Variants in HACE1 observed in about 807,000 individuals in gnomAD.
HACE1 encodes HECT domain and ankyrin repeat containing E3 ubiquitin protein ligase 1.
Under a neutral mutation model 118.4 loss-of-function variants are expected in HACE1, and 73 were observed. The ratio of observed to expected loss-of-function variants is 0.62; its 90% CI spans 0.51 to 0.75. The LOEUF (loss-of-function observed/expected upper bound fraction) is 0.75, where lower values mean the gene tolerates loss of function less well. HACE1 is among the 30% of genes least tolerant of loss of function. The pLI is 0.00. For missense variants in HACE1, 749 were observed against 1,102.2 expected (o/e 0.68, Z 4.54); for synonymous variants, 368 against 374.8 (o/e 0.98, Z 0.21).
In HACE1 at chr6:104,859,583, G is replaced by A. The variant is rs1005032279; in HGVS notation, c.60C>T (p.Thr20=). 2.0e-6 allele frequency: 3 copies of A among 1,526,912 alleles called. No individual in the cohort carries two copies. The African/African-American group carries it at 4.3e-5, about 22-fold the overall frequency. The allele number at this position is 1,526,912 out of a possible 1,614,324, so 94.6% of individuals were successfully genotyped here. The change falls in exon 1 of 24, where the codon ACC becomes ACT. Residue 20 remains threonine, a synonymous_variant. Coordinates refer to ENST00000262903, the MANE Select transcript of HACE1 (RefSeq NM_020771.4). ...RLTRSLRRAR[T]VELPEDNETA... is the part of the protein sequence containing the mutation. The stretch of plus-strand genomic sequence containing the variant: ...CCGGCTCACCCTCGGGCAACTCCAC[G>A]GTGCGCGCGCGGCGCAGCGAGCGCG...
At chr6:104,774,936 G>A (rs989765470) in intron 17 of HACE1, among the ~76,000 whole-genome samples, 2 of 152,184 alleles carry the variant, frequency 1.3e-5, no homozygotes, top group African/African-American at 4.8e-5. Flanking sequence ...ATTCCTATAT[G>A]TAATTCTCTT....
chr6:104,849,922 T>C (rs980062595), intron 3 of HACE1, among the ~76,000 whole-genome samples: 4 of 150,264 alleles, frequency 2.7e-5, no homozygotes, highest in Non-Finnish European at 4.4e-5. Context: ...AGTGCTAGGA[T>C]TACAGGCGTA....
intron 7 of HACE1, among the ~76,000 whole-genome samples, chr6:104,797,310 C>CTT (rs1192969060): frequency 6.9e-6 from 1 of 144,028 alleles, no homozygotes; most frequent in Non-Finnish European, 1.5e-5. Context: ...CAGGCTTCTG[C>CTT]TTTTTTTTTT....
intron 6 of HACE1, among the ~76,000 whole-genome samples, chr6:104,828,514 T>C (rs1302319065): frequency 6.6e-6 from 1 of 151,976 alleles, no homozygotes; most frequent in South Asian, 2.1e-4. Flanking sequence ...AGAATGGAGT[T>C]TAACAGTTGA....
chr6:104,825,403 A>G (rs1773220019), intron 6 of HACE1, among the ~76,000 whole-genome samples: 1 of 152,202 alleles, frequency 6.6e-6, no homozygotes, highest in Non-Finnish European at 1.5e-5. Flanking sequence ...ACTTCACTTC[A>G]GCCTCGGATT....
rs535330335 is a variant in HACE1, at chr6:104,777,907, G to A, written c.1567-590C>T. Among the ~76,000 whole-genome samples, 15 of 152,068 alleles carry A rather than the reference G, an allele frequency of 9.9e-5. No individual in the cohort carries two copies. The East Asian group carries it at 1.4e-3, about 14-fold the overall frequency. On this transcript the variant is annotated intron_variant, in intron 14 of 23. Coordinates refer to ENST00000262903, the MANE Select transcript of HACE1 (RefSeq NM_020771.4). ...CTCAAGTAGCTGGGATTGCAGGCAC[G>A]CACCACCACGCCTGGCTAATTTTTG...
At chr6:104,736,660 C>T (rs1355897369) in intron 22 of HACE1, among the ~76,000 whole-genome samples, 1 of 152,046 alleles carries the variant, frequency 6.6e-6, no homozygotes, top group African/African-American at 2.4e-5. Context: ...GTAATAATTC[C>T]TCGTTTTAGT....
At position 104,744,605 on chromosome 6, in the gene HACE1, T is replaced by G; in HGVS notation, c.2349A>C (p.Leu783=). ...IQLFDEYELE[L]LLSGMPEIDV... The stretch of plus-strand genomic sequence containing the variant: ...CAATTTCTGGCATGCCAGAAAGCAG[T>G]AGCTCCTTGGGGGAAGAAGAAAAAT... Residue 783 remains leucine (L), a synonymous_variant, in exon 21 of 24, where the codon CTA becomes CTC. Coordinates refer to ENST00000262903, the MANE Select transcript of HACE1 (RefSeq NM_020771.4). 6.4e-7 allele frequency: 1 copy of G among 1,560,018 alleles called. No individual in the cohort carries two copies. The highest frequency in any genetic ancestry group is 1.4e-5 in the African/African-American group (1 of 74,018).
chr6:104,730,654 C>T, intron 22 of HACE1: 1 of 485,998 alleles, frequency 2.1e-6, no homozygotes, highest in Non-Finnish European at 3.8e-6. Flanking sequence ...CAACTGGCCA[C>T]AGCACATACC....
chr6:104,802,975 A>G (rs1380208480), intron 7 of HACE1, among the ~76,000 whole-genome samples: 1 of 152,194 alleles, frequency 6.6e-6, no homozygotes, highest in East Asian at 1.9e-4. Flanking sequence ...AGCAAGACTA[A>G]TAAAGAAGAA....
At chr6:104,772,115 A>T in intron 17 of HACE1, 41 bp from the exon 18 acceptor site, 3 of 1,130,226 alleles carry the variant, frequency 2.7e-6, no homozygotes, top group Non-Finnish European at 4.0e-6. Context: ...TTAAGAATCT[A>T]TATGCAGAAG....
intron 1 of HACE1, among the ~76,000 whole-genome samples, chr6:104,856,440 T>TG (rs966832870): frequency 7.0e-6 from 1 of 141,880 alleles, no homozygotes; most frequent in African/African-American, 2.9e-5. Context: ...TTTATTTATG[T>TG]GTTTTTTTTT....
At chr6:104,848,820 C>A (rs1381135884) in intron 4 of HACE1, among the ~76,000 whole-genome samples, 1 of 152,016 alleles carries the variant, frequency 6.6e-6, no homozygotes, top group African/African-American at 2.4e-5. Flanking sequence ...TCAGAAAATA[C>A]AATGTCACTA....
At chr6:104,825,953 A>G (rs1419816262) in intron 6 of HACE1, among the ~76,000 whole-genome samples, 3 of 152,170 alleles carry the variant, frequency 2.0e-5, no homozygotes, top group Admixed American at 2.0e-4. Context: ...GCACTACTCT[A>G]AATCAGGAAC....
rs1308994974 is a variant in HACE1, at chr6:104,824,132, C to CGGA, written c.534+8907_534+8909dup. Among the ~76,000 whole-genome samples the CGGA allele has an allele frequency of 3.3e-5, 5 of 152,156 alleles. No homozygotes were observed. The East Asian group carries it at 5.8e-4, about 18-fold the overall frequency. ...CTGGCTGTTTCTACTGAGCCTTGTT[C>CGGA]GGAAGGTGAGCCCTCCCAAGTCTCT... On this transcript the variant is annotated intron_variant, in intron 6 of 23. Coordinates refer to ENST00000262903, the MANE Select transcript of HACE1 (RefSeq NM_020771.4).
intron 20 of HACE1, among the ~76,000 whole-genome samples, chr6:104,745,419 A>C (rs1777307207): frequency 6.6e-6 from 1 of 151,008 alleles, no homozygotes; most frequent in African/African-American, 2.4e-5. Context: ...TGATTGGCCT[A>C]CACTTTACAC....
At chr6:104,808,171 T>A (rs1486368557) in intron 7 of HACE1, among the ~76,000 whole-genome samples, 1 of 151,476 alleles carries the variant, frequency 6.6e-6, no homozygotes, top group Non-Finnish European at 1.5e-5. Flanking sequence ...GGGCAACAGA[T>A]TGAGGCTCTG....
intron 22 of HACE1, among the ~76,000 whole-genome samples, chr6:104,739,870 T>C (rs1361341557): frequency 1.3e-5 from 2 of 152,134 alleles, no homozygotes; most frequent in Non-Finnish European, 2.9e-5. Context: ...ATACATTTTT[T>C]TCAGCACCAC....
chr6:104,741,337 G>A (rs2114482424), intron 22 of HACE1, among the ~76,000 whole-genome samples: 1 of 148,098 alleles, frequency 6.8e-6, no homozygotes, highest in East Asian at 2.0e-4. Flanking sequence ...AGGATATAAA[G>A]GGTATTCAAT....
Sources: allele counts gnomAD v4.1 joint callset (sites outside exome capture counted in the v4.1 genomes callset), GRCh38; gene constraint gnomAD v4.1.1; transcripts MANE v1.5; gene names NCBI Gene and HGNC (gene_info 2026-07-23, HGNC 2026-07-21).